Variants in MACROD2 observed in about 807,000 individuals in gnomAD.
MACROD2 encodes mono-ADP ribosylhydrolase 2, also known as ADP-ribose glycohydrolase MACROD2.
MACROD2 carries 36 observed loss-of-function variants against 70.4 expected under a neutral mutation model. The observed-to-expected ratio is 0.51, with a 90% CI of 0.39 to 0.68. The LOEUF is 0.68. MACROD2 is among the 30% of genes least tolerant of loss of function. MACROD2 has a pLI of 0.00. For synonymous variants in MACROD2, 172 were observed against 178.8 expected, an observed-to-expected ratio of 0.96 and a Z score of 0.30; for missense variants, 496 against 538.4, an observed-to-expected ratio of 0.92 and a Z score of 0.78.
At chr20:15,354,876 A>G (rs1392183425) in intron 6 of MACROD2, among the ~76,000 whole-genome samples, 1 of 152,218 alleles carries the variant, frequency 6.6e-6, no homozygotes, top group Non-Finnish European at 1.5e-5. Context: ...CTGTACCATG[A>G]TAGAACTACA....
At chr20:15,345,764 C>T (rs2078159148) in intron 6 of MACROD2, among the ~76,000 whole-genome samples, 1 of 152,186 alleles carries the variant, frequency 6.6e-6, no homozygotes, top group African/African-American at 2.4e-5. Context: ...GCAGTCCTGG[C>T]TGATCCACAG....
At chr20:15,276,364 CACTCTGGCCTGGGCG>C (rs2077392046) in intron 6 of MACROD2, among the ~76,000 whole-genome samples, 1 of 144,232 alleles carries the variant, frequency 6.9e-6, no homozygotes, top group African/African-American at 2.6e-5. Flanking sequence ...TGTGCCACTG[CACTCTGGCCTGGGCG>C]ACAGAGAGAG....
intron 8 of MACROD2, among the ~76,000 whole-genome samples, chr20:15,694,945 A>C (rs749657747): frequency 3.3e-5 from 5 of 152,138 alleles, no homozygotes; most frequent in Admixed American, 6.5e-5. Context: ...TGGCTAGCCA[A>C]TTATCCCAGC....
chr20:15,833,990 C>T (rs1352523033), intron 8 of MACROD2, among the ~76,000 whole-genome samples: 2 of 152,072 alleles, frequency 1.3e-5, no homozygotes, highest in East Asian at 1.9e-4. Flanking sequence ...GTAACTCCTG[C>T]AAAGTCTGAT....
rs569016478 is a variant in MACROD2 at position 14,985,212 on chromosome 20, A to G, written c.419-244728A>G. Reference sequence around the variant, plus strand: ...TAGCTAACCTATGACACTTCACTCAATTGCATTTTGAGCTCCTGACTTAGT... The same window carrying G: ...TAGCTAACCTATGACACTTCACTCAGTTGCATTTTGAGCTCCTGACTTAGT... On this transcript the variant is annotated intron_variant, in intron 5 of 17. Coordinates refer to ENST00000684519, the MANE Select transcript of MACROD2 (RefSeq NM_001351661.2). 4.6e-5 allele frequency among the ~76,000 whole-genome samples: 7 copies of G among 152,298 alleles called. No individual in the cohort carries two copies. In the East Asian group the frequency reaches 9.6e-4, roughly 21 times the overall value.
At chr20:15,869,137 A>G (rs2064536618) in intron 9 of MACROD2, among the ~76,000 whole-genome samples, 1 of 149,142 alleles carries the variant, frequency 6.7e-6, no homozygotes, top group African/African-American at 2.5e-5. Flanking sequence ...AAATTTGTCA[A>G]TTTTGTTTCC....
intron 4 of MACROD2, among the ~76,000 whole-genome samples, chr20:14,663,518 A>T (rs1359126810): frequency 8.9e-6 from 1 of 112,948 alleles, no homozygotes; most frequent in Non-Finnish European, 1.7e-5. Flanking sequence ...ACAGGGATGT[A>T]TACACACACA....
chr20:14,279,045 AT>A (rs948178710), intron 3 of MACROD2, among the ~76,000 whole-genome samples: 3 of 152,180 alleles, frequency 2.0e-5, no homozygotes, highest in African/African-American at 7.2e-5. Context: ...ATTGGAGGCC[AT>A]TAGAGGCCTT....
At chr20:16,029,085 C>T (rs550231329) in intron 15 of MACROD2, among the ~76,000 whole-genome samples, 2 of 152,294 alleles carry the variant, frequency 1.3e-5, no homozygotes, top group Non-Finnish European at 2.9e-5. Context: ...GTCTTCTCAC[C>T]GTGTCCTCGC....
At chr20:15,751,462 T>A (rs17704514) in intron 8 of MACROD2, among the ~76,000 whole-genome samples, 17,138 of 152,020 alleles carry the variant, frequency 0.11, 1,103 homozygotes, top group Admixed American at 0.14. Context: ...ATTAATCAGT[T>A]GTTCATTGAA....
intron 8 of MACROD2, among the ~76,000 whole-genome samples, chr20:15,684,427 G>A (rs1319484520): frequency 6.6e-6 from 1 of 152,210 alleles, no homozygotes; most frequent in Non-Finnish European, 1.5e-5. Flanking sequence ...TTGATTAGAG[G>A]CAAATAGCAC....
At chr20:14,209,510 A>G (rs531503243) in intron 3 of MACROD2, among the ~76,000 whole-genome samples, 1 of 152,212 alleles carries the variant, frequency 6.6e-6, no homozygotes, top group Non-Finnish European at 1.5e-5. Flanking sequence ...ATGTGATATT[A>G]ATTAGGGTAA....
At chr20:14,091,271 C>G (rs1230659184) in intron 3 of MACROD2, among the ~76,000 whole-genome samples, 1 of 152,096 alleles carries the variant, frequency 6.6e-6, no homozygotes, top group Non-Finnish European at 1.5e-5. Context: ...TCTGTTTTTG[C>G]TTTCATTGCC....
At chr20:14,370,491 G>A (rs866795604) in intron 3 of MACROD2, among the ~76,000 whole-genome samples, 2 of 151,996 alleles carry the variant, frequency 1.3e-5, no homozygotes. Context: ...AATTTACATA[G>A]ACTCTTTGTA....
chr20:14,127,448 G>A (rs191308057), intron 3 of MACROD2: 3 of 481,304 alleles, frequency 6.2e-6, no homozygotes, highest in Non-Finnish European at 1.1e-5. Context: ...TAATGATGCT[G>A]TTCTGAAGAG....
chr20:15,370,660 A>T (rs1327938015), intron 6 of MACROD2, among the ~76,000 whole-genome samples: 2 of 152,136 alleles, frequency 1.3e-5, no homozygotes, highest in African/African-American at 4.8e-5. Context: ...CTATTGTATA[A>T]GACTGAGACT....
chr20:14,140,392 A>T (rs1470909322), intron 3 of MACROD2, among the ~76,000 whole-genome samples: 1 of 152,220 alleles, frequency 6.6e-6, no homozygotes, highest in Non-Finnish European at 1.5e-5. Context: ...TGTATAAACA[A>T]ATGCCTGAAG....
chr20:14,623,176 G>T (rs78918967), intron 4 of MACROD2, among the ~76,000 whole-genome samples: 4 of 151,340 alleles, frequency 2.6e-5, no homozygotes, highest in African/African-American at 7.2e-5. Flanking sequence ...CTGAATTACA[G>T]TTTTTTTTGT....
intron 8 of MACROD2, among the ~76,000 whole-genome samples, chr20:15,667,629 A>G (rs1600732135): frequency 6.6e-6 from 1 of 152,138 alleles, no homozygotes; most frequent in South Asian, 2.1e-4. Context: ...TCATTATTAT[A>G]CCCCCAAAAT....
Sources: allele counts gnomAD v4.1 joint callset (sites outside exome capture counted in the v4.1 genomes callset), GRCh38; gene constraint gnomAD v4.1.1; transcripts MANE v1.5; gene names NCBI Gene and HGNC (gene_info 2026-07-23, HGNC 2026-07-21).